The following LYZL6 variants were observed in gnomAD, a reference collection of about 807,000 sequenced individuals.
LYZL6 encodes lysozyme like 6.
A neutral mutation model predicts 15.0 loss-of-function variants in LYZL6; 21 were observed. The ratio of observed to expected loss-of-function variants is 1.40; its 90% CI spans 1.00 to 2.02. The LOEUF (loss-of-function observed/expected upper bound fraction) is 2.02, where lower values mean the gene tolerates loss of function less well. LYZL6 is among the 30% of genes most tolerant of loss of function. The probability of loss-of-function intolerance (pLI) is 0.00; values close to 1 mark genes in which losing one functional copy is unlikely to be tolerated. For synonymous variants in LYZL6, 72 were observed against 67.8 expected, an observed-to-expected ratio of 1.06 and a Z score of -0.31; for missense variants, 173 against 180.5, an observed-to-expected ratio of 0.96 and a Z score of 0.24.
intron 4 of LYZL6, among the ~76,000 whole-genome samples, chr17:35,935,803 C>A (rs964526109): frequency 4.0e-5 from 6 of 149,756 alleles, no homozygotes; most frequent in Non-Finnish European, 7.4e-5. Context: ...TGAGCCACTG[C>A]GCCCAGCCGC....
In LYZL6 at chr17:35,939,424, T is replaced by C; in HGVS notation, c.-68A>G. On this transcript the variant is annotated 5_prime_UTR_variant, in exon 2 of 5. Coordinates refer to ENST00000615905, the MANE Select transcript of LYZL6 (RefSeq NM_020426.4). ...GGGTCTTGCAGACTTTCTGCTGATC[T>C]TCTCTGAGAGCCTGGGGAATCTGGA... 2.6e-6 allele frequency: 4 copies of C among 1,523,780 alleles called. No homozygotes were observed. The South Asian group carries it at 5.0e-5, about 19-fold the overall frequency. 94.4% of individuals were successfully genotyped at this position (1,523,780 alleles called of 1,614,324 possible).
chr17:35,936,631 C>G (rs902305753), intron 4 of LYZL6, 124 bp downstream of exon 4: 1 of 739,860 alleles, frequency 1.4e-6, no homozygotes, highest in Non-Finnish European at 2.3e-6. Context: ...CAAGCCCGTC[C>G]GCTATCCCAC....
At chr17:35,936,110 C>T (rs888544027) in intron 4 of LYZL6, among the ~76,000 whole-genome samples, 2 of 152,210 alleles carry the variant, frequency 1.3e-5, no homozygotes, top group African/African-American at 2.4e-5. Flanking sequence ...CCACCATGCC[C>T]GGTCCACATT....
At chr17:35,937,196 G>A (rs916109625) in intron 3 of LYZL6, among the ~76,000 whole-genome samples, 2 of 152,224 alleles carry the variant, frequency 1.3e-5, no homozygotes, top group Non-Finnish European at 2.9e-5. Flanking sequence ...AGGAGCCGAG[G>A]GACATCGGTC....
In LYZL6 at chr17:35,934,798, A is replaced by G; in HGVS notation, c.445T>C (p.Ter149ArgextTer87). 1 of 1,614,180 alleles carries G rather than the reference A, an allele frequency of 6.2e-7. No homozygotes were observed. Among genetic ancestry groups the G allele is most frequent in the Non-Finnish European group, 8.5e-7 (1 of 1,179,992 alleles). Residue 149 changes from the stop codon to arginine (R), a stop_lost, in exon 5 of 5, where the codon TGA (stop) becomes CGA (arginine). Coordinates refer to ENST00000615905, the MANE Select transcript of LYZL6 (RefSeq NM_020426.4). ...CCACGGTGCACCCGCACCCTGTTTC[A>G]TCTCAGGCGGCATCCTGTCAGCCAG... is the stretch of plus-strand genomic sequence containing the variant. ...FYWLTGCRLR[*>R]
chr17:35,942,755 G>A (rs530247049), intron 1 of LYZL6, among the ~76,000 whole-genome samples: 1 of 152,218 alleles, frequency 6.6e-6, no homozygotes, highest in African/African-American at 2.4e-5. Context: ...TATACAATGG[G>A]CCCCAGTAAA....
intron 3 of LYZL6, 119 bp from the exon 4 acceptor site, chr17:35,936,952 G>T (rs1331969522): frequency 2.4e-6 from 2 of 835,552 alleles, no homozygotes; most frequent in East Asian, 2.5e-5. Flanking sequence ...TGAGGCAAAG[G>T]CTGTCTCCCA....
At chr17:35,938,955 G>A (rs1180807196) in intron 2 of LYZL6, among the ~76,000 whole-genome samples, 1 of 152,182 alleles carries the variant, frequency 6.6e-6, no homozygotes, top group East Asian at 1.9e-4. Context: ...TGTGTTTGTT[G>A]CTGCTCTCTT....
chr17:35,936,130 A>C (rs1177193655), intron 4 of LYZL6, among the ~76,000 whole-genome samples: 4 of 152,172 alleles, frequency 2.6e-5, no homozygotes, highest in Non-Finnish European at 5.9e-5. Context: ...TTTTAAATAA[A>C]AAAATATTGT....
At chr17:35,942,468 G>A (rs573129017) in intron 1 of LYZL6, among the ~76,000 whole-genome samples, 11 of 152,222 alleles carry the variant, frequency 7.2e-5, no homozygotes, top group African/African-American at 2.6e-4. Context: ...GGACAAGATG[G>A]CTACCCTGGT....
chr17:35,938,498 G>T (rs1194670345), intron 2 of LYZL6, among the ~76,000 whole-genome samples: 2 of 151,422 alleles, frequency 1.3e-5, no homozygotes, highest in Admixed American at 6.6e-5. Context: ...GGTGCCTGTA[G>T]TTCCAGCTAC....
intron 4 of LYZL6, among the ~76,000 whole-genome samples, chr17:35,935,468 T>A (rs2089363495): frequency 6.6e-6 from 1 of 152,092 alleles, no homozygotes. Flanking sequence ...CAGGCTGGAG[T>A]GCAGTGGCGC....
In LYZL6 at chr17:35,939,452, G is replaced by T; in HGVS notation, c.-96C>A. Reference sequence around the variant, plus strand: ...TCTGAGAGCCTGGGGAATCTGGAGAGGGCAGCCAGGTTTCCTTACTCACTC... The same window carrying T: ...TCTGAGAGCCTGGGGAATCTGGAGATGGCAGCCAGGTTTCCTTACTCACTC... On this transcript the variant is annotated 5_prime_UTR_variant, in exon 2 of 5. Transcript: ENST00000615905. The T allele has an allele frequency of 7.7e-7, 1 of 1,306,526 alleles. No homozygotes were observed. Among genetic ancestry groups the T allele is most frequent in the Non-Finnish European group, 1.1e-6 (1 of 943,490 alleles). The allele number at this position is 1,306,526 out of a possible 1,614,324, so 80.9% of individuals were successfully genotyped here. A position where few individuals can be genotyped will look rare whatever the true frequency, so the allele number is the denominator to read the frequency against.
chr17:35,937,608 C>G, intron 3 of LYZL6, 150 bp downstream of exon 3: 1 of 824,388 alleles, frequency 1.2e-6, no homozygotes, highest in Non-Finnish European at 1.9e-6. Context: ...ATTAGGGACA[C>G]TACTCCAGCC....
chr17:35,937,741 TG>T lies in LYZL6; in HGVS notation c.298+16del, dbSNP rs753383822. 1 of 1,611,514 alleles carries T rather than the reference TG, an allele frequency of 6.2e-7. No individual in the cohort carries two copies. Among genetic ancestry groups the T allele is most frequent in the Non-Finnish European group, 8.5e-7 (1 of 1,178,146 alleles). ...GTTGCTGCTCTCATCTCTCCCACCC[TG>T]GGGCCCTGGCCAGACCTTGACAGTC... is the stretch of plus-strand genomic sequence containing the variant. On this transcript the variant is annotated intron_variant, in intron 3 of 4. Coordinates refer to ENST00000615905, the MANE Select transcript of LYZL6 (RefSeq NM_020426.4).
chr17:35,936,890 G>A (rs751442803), intron 3 of LYZL6, 57 bp from the exon 4 acceptor site: 88 of 1,486,636 alleles, frequency 5.9e-5, no homozygotes, highest in Non-Finnish European at 7.9e-5. Flanking sequence ...CAAAGATGGA[G>A]GCAGACACCA....
At chr17:35,939,782 G>T (rs910909729) in intron 1 of LYZL6, among the ~76,000 whole-genome samples, 1 of 152,134 alleles carries the variant, frequency 6.6e-6, no homozygotes, top group East Asian at 1.9e-4. Context: ...ACAGGTGTGA[G>T]CCACCACACC....
At chr17:35,940,392 C>T (rs1191368436) in intron 1 of LYZL6, among the ~76,000 whole-genome samples, 2 of 152,016 alleles carry the variant, frequency 1.3e-5, no homozygotes, top group Non-Finnish European at 2.9e-5. Context: ...TCTTGCTGTA[C>T]AAGAAATTTA....
chr17:35,939,473 C>T lies in LYZL6; in HGVS notation c.-117G>A, dbSNP rs1034869299. 5 of 928,122 alleles carry T rather than the reference C, an allele frequency of 5.4e-6. No individual in the cohort carries two copies. The highest frequency in any genetic ancestry group is 1.6e-6 in the Non-Finnish European group (1 of 607,848). The allele number at this position is 928,122 out of a possible 1,614,324, so 57.5% of individuals were successfully genotyped here. On this transcript the variant is annotated 5_prime_UTR_variant, in exon 2 of 5. Coordinates refer to ENST00000615905, the MANE Select transcript of LYZL6 (RefSeq NM_020426.4). ...GAGAGGGCAGCCAGGTTTCCTTACT[C>T]ACTCACTGCTCCAACCTGGCTGTTT...
Sources: allele counts gnomAD v4.1 joint callset (sites outside exome capture counted in the v4.1 genomes callset), GRCh38; gene constraint gnomAD v4.1.1; transcripts MANE v1.5; gene names NCBI Gene and HGNC (gene_info 2026-07-23, HGNC 2026-07-21).